RBM33: variants seen among roughly 807,000 people sequenced by gnomAD.
RBM33 encodes the protein RNA binding motif protein 33.
RBM33 carries 28 observed loss-of-function variants against 132.6 expected under a neutral mutation model. The ratio of observed to expected loss-of-function variants is 0.21; its 90% CI spans 0.16 to 0.29. RBM33 has a LOEUF of 0.29. Among genes scored for constraint, RBM33 ranks in the 10% least tolerant of loss-of-function variants. The pLI is 1.00. For missense variants in RBM33, 1,291 were observed against 1,518.5 expected (o/e 0.85, Z 2.49); for synonymous variants, 634 against 593.0 (o/e 1.07, Z -1.01).
intron 7 of RBM33, among the ~76,000 whole-genome samples, chr7:155,710,503 G>A (rs757181835): frequency 6.6e-6 from 1 of 152,104 alleles, no homozygotes; most frequent in Admixed American, 6.5e-5. Flanking sequence ...AACCACCCTC[G>A]AATTGAGATC....
At chr7:155,688,686 AG>A (rs1339649650) in intron 5 of RBM33, among the ~76,000 whole-genome samples, 2 of 152,220 alleles carry the variant, frequency 1.3e-5, no homozygotes, top group African/African-American at 2.4e-5. Flanking sequence ...TTTAGCATGA[AG>A]GGCTGTTAAA....
intron 16 of RBM33, among the ~76,000 whole-genome samples, chr7:155,767,357 G>A (rs1464631193): frequency 1.3e-5 from 2 of 152,234 alleles, no homozygotes; most frequent in South Asian, 2.1e-4. Context: ...CGCACCGTGC[G>A]TCCCGTGGTG....
chr7:155,740,005 C>A lies in RBM33; in HGVS notation c.2028C>A (p.Pro676=). 6.4e-7 allele frequency: 1 copy of A among 1,557,374 alleles called. No homozygotes were observed. Among genetic ancestry groups the A allele is most frequent in the East Asian group, 2.3e-5 (1 of 42,800 alleles). Residue 676 remains proline (P), a synonymous_variant, in exon 12 of 18, where the codon CCC becomes CCA. Transcript: ENST00000401878. ...CCAGCAGCAGCCGGATGCAGTGCCCCCAGCGCCAGGGGCTCCGGCATGTAA... is the reference window on the plus strand; with the variant it reads ...CCAGCAGCAGCCGGATGCAGTGCCCACAGCGCCAGGGGCTCCGGCATGTAA... ...PQASSSRMQC[P]QRQGLRHNTT...
chr7:155,736,484 A>G (rs916330708), intron 9 of RBM33, among the ~76,000 whole-genome samples: 8 of 152,244 alleles, frequency 5.3e-5, no homozygotes, highest in Non-Finnish European at 1.2e-4. Flanking sequence ...GGTGGTTTAA[A>G]AAAATCTCCA....
Position 155,766,238 on chromosome 7 carries a change from G to C in RBM33, c.3187-229G>C, listed in dbSNP as rs369321891. ...GCGTGTGGCCCCTGGAGAGGTGCAG[G>C]CTTCGTCAGCTCCCTCCTCTTCCTC... On this transcript the variant is annotated intron_variant, in intron 15 of 17. Coordinates refer to ENST00000401878, the MANE Select transcript of RBM33 (RefSeq NM_053043.3). Among the ~76,000 whole-genome samples the C allele has an allele frequency of 1.2e-4, 18 of 152,196 alleles. No homozygotes were observed. In the South Asian group the frequency reaches 1.9e-3, roughly 16 times the overall value.
At chr7:155,692,673 T>C (rs1039802508) in intron 5 of RBM33, among the ~76,000 whole-genome samples, 1 of 152,238 alleles carries the variant, frequency 6.6e-6, no homozygotes, top group African/African-American at 2.4e-5. Flanking sequence ...CGAAGAGTCT[T>C]AGCTTTCTTA....
chr7:155,762,766 CAGCTAAGCACCCTGTGGGG>C (rs1802077695), intron 14 of RBM33, among the ~76,000 whole-genome samples: 1 of 152,172 alleles, frequency 6.6e-6, no homozygotes, highest in African/African-American at 2.4e-5. Context: ...GACACTGGCA[CAGCTAAGCACCCTGTGGGG>C]AGGGTTTACT....
intron 3 of RBM33, among the ~76,000 whole-genome samples, chr7:155,674,589 T>A (rs1799125304): frequency 6.6e-6 from 1 of 152,196 alleles, no homozygotes; most frequent in African/African-American, 2.4e-5. Context: ...ACATGTGACC[T>A]CCTCTCATAA....
intron 15 of RBM33, among the ~76,000 whole-genome samples, chr7:155,765,676 T>A (rs539686682): frequency 2.6e-5 from 4 of 152,224 alleles, no homozygotes; most frequent in African/African-American, 9.6e-5. Context: ...CTAGGCTACA[T>A]TGGGCACATA....
chr7:155,652,049 T>G (rs1319512369), intron 1 of RBM33, among the ~76,000 whole-genome samples: 3 of 152,228 alleles, frequency 2.0e-5, no homozygotes, highest in Non-Finnish European at 4.4e-5. Flanking sequence ...CTTCGAAAGT[T>G]ATTGGACATT....
intron 15 of RBM33, 83 bp downstream of exon 15, chr7:155,764,101 G>T (rs1366477796): frequency 9.1e-7 from 1 of 1,102,772 alleles, no homozygotes; most frequent in Non-Finnish European, 1.3e-6. Flanking sequence ...AATTTGTAGC[G>T]CATGGCACAC....
In RBM33 at chr7:155,644,712, A is replaced by G. The variant is rs1253806776; in HGVS notation, c.-165A>G. ...GTAGTTTGTTGTTTTCTTCCTGCGG[A>G]GGCGAAGGGCCAGCTGTGGACCGCG... On this transcript the variant is annotated 5_prime_UTR_variant, in exon 1 of 18. Transcript: ENST00000401878. 2 of 490,400 alleles carry G rather than the reference A, an allele frequency of 4.1e-6. No homozygotes were observed. The highest frequency in any genetic ancestry group is 7.0e-6 in the Non-Finnish European group (2 of 284,868). The allele number at this position is 490,400 out of a possible 1,614,324, so 30.4% of individuals were successfully genotyped here. A position where few individuals can be genotyped will look rare whatever the true frequency, so the allele number is the denominator to read the frequency against.
At chr7:155,748,498 C>T (rs1801591252) in intron 14 of RBM33, among the ~76,000 whole-genome samples, 1 of 152,250 alleles carries the variant, frequency 6.6e-6, no homozygotes, top group Non-Finnish European at 1.5e-5. Flanking sequence ...CTATGATATA[C>T]AATTTAATTA....
Position 155,763,974 on chromosome 7 carries a change from C to T in RBM33, c.3142C>T (p.Pro1048Ser). The change falls in exon 15 of 18, where the codon CCT becomes TCT. Residue 1048 changes from proline to serine, a missense_variant. Physicochemically the swap from Pro to Ser is moderately conservative, Grantham distance 74 (BLOSUM62 -1). Transcript: ENST00000401878. ...GGGGCCCCACGCACACTCGCCTGTC[C>T]CTCCAGGGATCAAAAGCATCCAAGG... ...PAGPHAHSPV[P>S]PGIKSIQGIH... 6.3e-7 allele frequency: 1 copy of T among 1,588,858 alleles called. No individual in the cohort carries two copies. The highest frequency in any genetic ancestry group is 8.6e-7 in the Non-Finnish European group (1 of 1,167,608).
intron 14 of RBM33, among the ~76,000 whole-genome samples, chr7:155,760,517 G>A (rs1801999632): frequency 1.3e-5 from 2 of 152,172 alleles, no homozygotes; most frequent in Non-Finnish European, 1.5e-5. Context: ...TTGTAAAGAG[G>A]AGGAATGTTT....
chr7:155,722,637 G>T (rs965509535), intron 9 of RBM33, among the ~76,000 whole-genome samples: 39 of 152,092 alleles, frequency 2.6e-4, no homozygotes, highest in African/African-American at 8.4e-4. Flanking sequence ...TGTTTTTAAA[G>T]TTTGCCCACT....
rs115108705 is a variant in RBM33 at position 155,665,759 on chromosome 7, A to T, written c.122+506A>T. 3.5e-3 allele frequency among the ~76,000 whole-genome samples: 531 copies of T among 152,344 alleles called. 4 individuals are homozygous for T. The highest frequency in any genetic ancestry group is 0.012 in the African/African-American group (502 of 41,578). On this transcript the variant is annotated intron_variant, in intron 2 of 17. Transcript: ENST00000401878. The stretch of plus-strand genomic sequence containing the variant: ...ACACAAACACAATTTAAAAATCCAC[A>T]GTGATGATAGATGGTAGTTTGATAT...
chr7:155,678,702 A>C lies in RBM33; in HGVS notation c.248+18A>C, dbSNP rs755006590. 6 of 1,251,396 alleles carry C rather than the reference A, an allele frequency of 4.8e-6. No individual in the cohort carries two copies. The highest frequency in any genetic ancestry group is 2.7e-5 in the South Asian group (2 of 74,590). The allele number at this position is 1,251,396 out of a possible 1,614,324, so 77.5% of individuals were successfully genotyped here. A position where few individuals can be genotyped will look rare whatever the true frequency, so the allele number is the denominator to read the frequency against. ...AATTTCAGGTACTCAATATTACCTC[A>C]TTATAAATGTTCTTTATTTAACTAA... On this transcript the variant is annotated intron_variant, in intron 4 of 17. Transcript: ENST00000401878.
At chr7:155,703,784 C>T (rs952815832) in intron 6 of RBM33, among the ~76,000 whole-genome samples, 17 of 152,186 alleles carry the variant, frequency 1.1e-4, no homozygotes, top group African/African-American at 4.1e-4. Context: ...CATTTTTACA[C>T]ATCAGTTTAT....
Sources: allele counts gnomAD v4.1 joint callset (sites outside exome capture counted in the v4.1 genomes callset), GRCh38; gene constraint gnomAD v4.1.1; transcripts MANE v1.5; gene names NCBI Gene and HGNC (gene_info 2026-07-23, HGNC 2026-07-21).